Variants in NCOR2 observed in about 807,000 individuals in gnomAD.
The protein encoded by NCOR2 is nuclear receptor corepressor 2, also known as CTG repeat protein 26.
Under a neutral mutation model 262.9 loss-of-function variants are expected in NCOR2, and 81 were observed. That is an observed-to-expected ratio of 0.31 (90% confidence interval 0.26 to 0.37). The LOEUF is 0.37. Ranked by LOEUF, NCOR2 falls within the 10% of genes least tolerant of loss-of-function variation. The pLI, the probability that NCOR2 is intolerant of heterozygous loss-of-function variation, is 1.00. For missense variants in NCOR2, 3,385 were observed against 3,621.4 expected, an observed-to-expected ratio of 0.93 and a Z score of 1.68; for synonymous variants, 1,659 against 1,559.3, an observed-to-expected ratio of 1.06 and a Z score of -1.51.
chr12:124,361,334 C>G (rs2038578662), intron 22 of NCOR2, among the ~76,000 whole-genome samples: 2 of 152,198 alleles, frequency 1.3e-5, no homozygotes, highest in Admixed American at 6.5e-5. Flanking sequence ...GAAGCAGCCC[C>G]CAACACCTGC....
chr12:124,390,949 G>A (rs1009958848), intron 16 of NCOR2, among the ~76,000 whole-genome samples: 6 of 152,260 alleles, frequency 3.9e-5, no homozygotes, highest in Non-Finnish European at 7.3e-5. Context: ...GGGGCCCGGC[G>A]GCCACGGGAG....
intron 20 of NCOR2, among the ~76,000 whole-genome samples, chr12:124,365,493 A>G (rs1160717358): frequency 2.0e-5 from 3 of 152,104 alleles, no homozygotes; most frequent in Non-Finnish European, 4.4e-5. Flanking sequence ...CCCCTCCTTC[A>G]ATCTCTGCCA....
chr12:124,368,712 G>A lies in NCOR2; in HGVS notation c.2807+3310C>T, dbSNP rs528450148. 2.0e-5 allele frequency among the ~76,000 whole-genome samples: 3 copies of A among 152,266 alleles called. No homozygotes were observed. The East Asian group carries it at 5.8e-4, about 29-fold the overall frequency. ...ATTGCCCTCCAATGTCACCTCCCCAGAGGCCCTCCCTGCCTGACCAGCCCA... is the reference window on the plus strand; with the variant it reads ...ATTGCCCTCCAATGTCACCTCCCCAAAGGCCCTCCCTGCCTGACCAGCCCA... On this transcript the variant is annotated intron_variant, in intron 20 of 46. Coordinates refer to ENST00000405201, the Ensembl canonical transcript of NCOR2.
At chr12:124,496,610 T>C (rs2048394989), upstream of NCOR2, among the ~76,000 whole-genome samples, 1 of 151,992 alleles carries the variant, frequency 6.6e-6, no homozygotes, top group African/African-American at 2.4e-5. The surrounding 1 kb of genome is among the most constrained non-coding windows in gnomAD (Gnocchi z 4.4). Flanking sequence ...ACCGTCCTTC[T>C]CCAAGCAGGA....
rs2040159037 is a variant in NCOR2 at position 124,378,088 on chromosome 12, C to T, written c.2167+149G>A. ...ACTGGTGAGTTTCTGGCAAGTCAGGCCCGCACCTTCCAGGGAGTCGAGGCC... is the reference window on the plus strand; with the variant it reads ...ACTGGTGAGTTTCTGGCAAGTCAGGTCCGCACCTTCCAGGGAGTCGAGGCC... On this transcript the variant is annotated intron_variant, in intron 18 of 46. Transcript: ENST00000405201. The surrounding 1 kb of genome is among the most constrained non-coding windows in gnomAD (Gnocchi z 4.2). 2.0e-6 allele frequency: 3 copies of T among 1,469,414 alleles called. No individual in the cohort carries two copies. The highest frequency in any genetic ancestry group is 2.3e-5 in the East Asian group (1 of 43,400). The allele number at this position is 1,469,414 out of a possible 1,614,324, so 91.0% of individuals were successfully genotyped here.
chr12:124,346,932 T>C, intron 30 of NCOR2, 82 bp from the exon 33 acceptor site: 1 of 1,378,226 alleles, frequency 7.3e-7, no homozygotes, highest in Non-Finnish European at 9.4e-7. Context: ...GTTCTGGAGC[T>C]AGTCTGCCTG....
intron 6 of NCOR2, among the ~76,000 whole-genome samples, chr12:124,452,263 G>A (rs1431719567): frequency 6.6e-6 from 1 of 152,250 alleles, no homozygotes; most frequent in Non-Finnish European, 1.5e-5. Flanking sequence ...GAATGGCAAG[G>A]GGCCCTGTGA....
chr12:124,334,718 T>G, intron 40 of NCOR2, 101 bp from the exon 43 acceptor site: 2 of 629,956 alleles, frequency 3.2e-6, no homozygotes, highest in South Asian at 2.3e-5. Context: ...GAATCCTGGG[T>G]GGGGCCAGCT....
chr12:124,361,070 G>A lies in NCOR2; in HGVS notation c.3100+1056C>T, dbSNP rs574182784. Among the ~76,000 whole-genome samples the A allele has an allele frequency of 1.7e-4, 25 of 151,034 alleles. No individual in the cohort carries two copies. In the South Asian group the frequency reaches 2.1e-3, roughly 13 times the overall value. Reference sequence around the variant, plus strand: ...CCCGGAGGCAGAGGTTGCAGTGAGCGGAGATTGTGCCACTGCACTCCAACC... The same window carrying A: ...CCCGGAGGCAGAGGTTGCAGTGAGCAGAGATTGTGCCACTGCACTCCAACC... On this transcript the variant is annotated intron_variant, in intron 22 of 46. Coordinates refer to ENST00000405201, the Ensembl canonical transcript of NCOR2.
At chr12:124,352,017 A>C (rs1354443369) in intron 27 of NCOR2, among the ~76,000 whole-genome samples, 5 of 152,134 alleles carry the variant, frequency 3.3e-5, no homozygotes, top group Admixed American at 6.5e-5. Context: ...GGGCAACAGC[A>C]AGACGCCCTG....
chr12:124,425,646 G>A (rs1391583870), intron 11 of NCOR2, among the ~76,000 whole-genome samples: 3 of 152,256 alleles, frequency 2.0e-5, no homozygotes, highest in African/African-American at 4.8e-5. Context: ...ATGTCACATC[G>A]CAGATTCTCA....
intron 1 of NCOR2, among the ~76,000 whole-genome samples, chr12:124,501,039 G>A (rs1312514477): frequency 3.1e-5 from 4 of 131,102 alleles, no homozygotes; most frequent in African/African-American, 5.7e-5. Flanking sequence ...GAGCGCCCAC[G>A]GCACGAGCGC....
At chr12:124,336,452 G>A (rs1188294899) in intron 38 of NCOR2, 3 of 352,952 alleles carry the variant, frequency 8.5e-6, no homozygotes, top group Admixed American at 4.9e-5. Flanking sequence ...AATGATGAGC[G>A]CCCCCAAACC....
In NCOR2 at chr12:124,473,151, G is replaced by A. The variant is rs375560540; in HGVS notation, c.412-20C>T. 2 of 1,613,034 alleles carry A rather than the reference G, an allele frequency of 1.2e-6. No homozygotes were observed. The highest frequency in any genetic ancestry group is 1.7e-6 in the Non-Finnish European group (2 of 1,179,954). On this transcript the variant is annotated intron_variant, in intron 3 of 46. Coordinates refer to ENST00000405201, the Ensembl canonical transcript of NCOR2. Reference sequence around the variant, plus strand: ...ACGGTCCTGTGGCAGAAAAAAAACGGGCATGGGGTCAGCACAGGGGACACC... The same window carrying A: ...ACGGTCCTGTGGCAGAAAAAAAACGAGCATGGGGTCAGCACAGGGGACACC...
In NCOR2 at chr12:124,378,732, C is replaced by T. The variant is rs1417539641; in HGVS notation, c.2020-348G>A. On this transcript the variant is annotated intron_variant, in intron 17 of 46. Transcript: ENST00000405201. This position sits in a 1 kb window ranked among gnomAD's most constrained non-coding sequence, Gnocchi z 4.2. ...CCTGGGGACACCCTGTCAGCTTCATCGGCACACGTGGAGTGAATGAACACA... is the reference window on the plus strand; with the variant it reads ...CCTGGGGACACCCTGTCAGCTTCATTGGCACACGTGGAGTGAATGAACACA... Among the ~76,000 whole-genome samples, 4 of 152,216 alleles carry T rather than the reference C, an allele frequency of 2.6e-5. No homozygotes were observed. Among genetic ancestry groups the T allele is most frequent in the East Asian group, 1.9e-4 (1 of 5,196 alleles).
intron 5 of NCOR2, among the ~76,000 whole-genome samples, chr12:124,464,355 G>A (rs1005722845): frequency 6.6e-6 from 1 of 152,148 alleles, no homozygotes; most frequent in Non-Finnish European, 1.5e-5. Context: ...GCTCTCCACC[G>A]AGGATCAGAG....
chr12:124,519,071 G>A (rs2050013410), intron 1 of NCOR2, among the ~76,000 whole-genome samples: 1 of 58,444 alleles, frequency 1.7e-5, no homozygotes, highest in Admixed American at 2.6e-4. Flanking sequence ...GCCTAGAAAA[G>A]AAGACGTGGC....
rs760358213 is a variant in NCOR2 at position 124,326,221 on chromosome 12, G to A, written c.7333C>T (p.Arg2445Cys). 18 of 1,539,382 alleles carry A rather than the reference G, an allele frequency of 1.2e-5. No individual in the cohort carries two copies. Among genetic ancestry groups the A allele is most frequent in the Admixed American group, 8.0e-5 (4 of 50,284 alleles). Residue 2445 changes from arginine to cysteine, a missense_variant, in exon 46 of 47, where the codon CGC becomes TGC. By Grantham distance (180) the Arg-to-Cys change is radical. Around this residue, in one of 5 missense-constraint regions of NCOR2, gnomAD observed 1,017 missense variants for 967.2 expected, o/e 1.05. Coordinates refer to ENST00000405201, the Ensembl canonical transcript of NCOR2. ...GACGAGGGCCTGTCCTCCCACACGC[G>A]GTTGGTGAGCGGCGTCCGGCGGTTG...
upstream of NCOR2, among the ~76,000 whole-genome samples, chr12:124,496,467 C>T (rs551797424): frequency 1.3e-5 from 2 of 152,272 alleles, no homozygotes; most frequent in African/African-American, 4.8e-5. The surrounding 1 kb of genome is among the most constrained non-coding windows in gnomAD (Gnocchi z 4.4). Context: ...CGGGACCCAG[C>T]GCCTGGATGT....
Sources: gnomAD v4.1 joint callset for allele counts (sites outside exome capture counted in the v4.1 genomes callset) on GRCh38, gnomAD v4.1.1 for gene constraint, gnomAD v4.1.1 regional missense constraint, Gnocchi (gnomAD v3.1) non-coding constraint, MANE v1.5 for transcripts, NCBI Gene and HGNC (gene_info 2026-07-23, HGNC 2026-07-21) for gene names.